The following CAAP1 variants were observed in gnomAD, a reference collection of about 807,000 sequenced individuals.
CAAP1 encodes the protein caspase activity and apoptosis inhibitor 1, also known as conserved anti-apoptotic protein.
CAAP1 carries 20 observed loss-of-function variants against 34.0 expected under a neutral mutation model. The ratio of observed to expected loss-of-function variants is 0.59; its 90% CI spans 0.41 to 0.86. The LOEUF (loss-of-function observed/expected upper bound fraction) is 0.86. Ranked by LOEUF, CAAP1 falls within the 40% of genes least tolerant of loss-of-function variation. The pLI is 0.00. For missense variants in CAAP1, 538 were observed against 450.5 expected, an observed-to-expected ratio of 1.19 and a Z score of -1.76; for synonymous variants, 213 against 166.7, an observed-to-expected ratio of 1.28 and a Z score of -2.14.
chr9:26,842,152 A>C lies in CAAP1; in HGVS notation c.*149T>G. 3.4e-6 allele frequency: 2 copies of C among 591,094 alleles called. No individual in the cohort carries two copies. The highest frequency in any genetic ancestry group is 5.8e-5 in the East Asian group (2 of 34,392). The allele number at this position is 591,094 out of a possible 1,614,324, so 36.6% of individuals were successfully genotyped here. On this transcript the variant is annotated 3_prime_UTR_variant, in exon 6 of 6. Transcript: ENST00000333916. ...TAAAAGTAGTCAAAAAAATAAAAAG[A>C]AACAGCCACAGGTAATTTAGGGCTA...
At chr9:26,845,292 A>G (rs1344737226) in intron 5 of CAAP1, among the ~76,000 whole-genome samples, 1 of 152,204 alleles carries the variant, frequency 6.6e-6, no homozygotes, top group Non-Finnish European at 1.5e-5. Flanking sequence ...GTTGGACTTC[A>G]TGAGTTGTTC....
At chr9:26,862,539 T>C (rs1047963929) in intron 4 of CAAP1, among the ~76,000 whole-genome samples, 4 of 152,106 alleles carry the variant, frequency 2.6e-5, no homozygotes, top group Non-Finnish European at 5.9e-5. Flanking sequence ...ATATAACCTG[T>C]ATTATGAAGA....
At position 26,856,427 on chromosome 9, in the gene CAAP1, GT is replaced by G. The variant is rs545255131; in HGVS notation, c.739+4638del. Among the ~76,000 whole-genome samples the G allele has an allele frequency of 1.8e-4, 27 of 152,294 alleles. No individual in the cohort carries two copies. In the East Asian group the frequency reaches 5.0e-3, roughly 28 times the overall value. On this transcript the variant is annotated intron_variant, in intron 5 of 5. Transcript: ENST00000333916. ...AAATGTAGAGATAGCAAAAAAGAGT[GT>G]ATATTTCACATTGCTTCCATTAAAC... is the stretch of plus-strand genomic sequence containing the variant.
At chr9:26,873,968 G>A (rs1407572969) in intron 4 of CAAP1, among the ~76,000 whole-genome samples, 2 of 151,982 alleles carry the variant, frequency 1.3e-5, no homozygotes, top group Non-Finnish European at 2.9e-5. Context: ...AGAACTTTGG[G>A]AGGCCGAGGC....
chr9:26,870,495 A>G (rs1452730589), intron 4 of CAAP1, among the ~76,000 whole-genome samples: 1 of 150,720 alleles, frequency 6.6e-6, no homozygotes, highest in African/African-American at 2.4e-5. Context: ...TCAATTTCCT[A>G]AGTGGGTAAT....
chr9:26,879,291 C>A (rs1376010216), intron 4 of CAAP1, among the ~76,000 whole-genome samples: 2 of 151,988 alleles, frequency 1.3e-5, no homozygotes, highest in East Asian at 3.8e-4. Context: ...CATTTTTTTC[C>A]AGAACATTTT....
chr9:26,861,039 T>C (rs1320661724), intron 5 of CAAP1, 27 bp downstream of exon 5: 2 of 1,504,440 alleles, frequency 1.3e-6, no homozygotes, highest in African/African-American at 1.4e-5. Flanking sequence ...GTAAATTTTA[T>C]ACAATAATCA....
At chr9:26,854,684 T>C (rs188157331) in intron 5 of CAAP1, among the ~76,000 whole-genome samples, 10 of 152,270 alleles carry the variant, frequency 6.6e-5, no homozygotes, top group Non-Finnish European at 1.3e-4. Context: ...CCAAAATATA[T>C]AGAGACCTCT....
At chr9:26,867,979 G>A (rs1258474410) in intron 4 of CAAP1, among the ~76,000 whole-genome samples, 1 of 152,134 alleles carries the variant, frequency 6.6e-6, no homozygotes, top group African/African-American at 2.4e-5. Flanking sequence ...GGAGGAGGAT[G>A]GGGTGAGATC....
Position 26,871,555 on chromosome 9 carries a change from T to A in CAAP1, c.666-10416A>T, listed in dbSNP as rs1419666373. Among the ~76,000 whole-genome samples the A allele has an allele frequency of 2.7e-4, 34 of 126,336 alleles. No individual in the cohort carries two copies. The Admixed American group carries it at 2.7e-3, about 10-fold the overall frequency. The allele number at this position is 126,336 out of a possible 152,430, so 82.9% of individuals were successfully genotyped here. A position where few individuals can be genotyped will look rare whatever the true frequency, so the allele number is the denominator to read the frequency against. On this transcript the variant is annotated intron_variant, in intron 4 of 5. Coordinates refer to ENST00000333916, the MANE Select transcript of CAAP1 (RefSeq NM_024828.4). ...TCGTGCCACTGCACTCCAGCCTTGG[T>A]GACACGGCAAAACTCTGTCTTTAAA...
chr9:26,858,245 G>C (rs1362850703), intron 5 of CAAP1, among the ~76,000 whole-genome samples: 2 of 152,102 alleles, frequency 1.3e-5, no homozygotes, highest in East Asian at 3.9e-4. Context: ...AGATTTTGCA[G>C]GTTATGCACA....
At chr9:26,857,530 G>A (rs1488479580) in intron 5 of CAAP1, among the ~76,000 whole-genome samples, 1 of 152,176 alleles carries the variant, frequency 6.6e-6, no homozygotes, top group Admixed American at 6.5e-5. Context: ...TACTCGGCAG[G>A]CTGAGGCAGG....
chr9:26,865,239 A>C (rs1823106500), intron 4 of CAAP1, among the ~76,000 whole-genome samples: 1 of 152,164 alleles, frequency 6.6e-6, no homozygotes, highest in Non-Finnish European at 1.5e-5. Flanking sequence ...ATCACAAGAA[A>C]TTTGGCGAGG....
chr9:26,847,446 C>A (rs755881120), intron 5 of CAAP1, among the ~76,000 whole-genome samples: 1 of 151,414 alleles, frequency 6.6e-6, no homozygotes, highest in Non-Finnish European at 1.5e-5. Context: ...GATCTCCTGA[C>A]CTCGTGATCC....
chr9:26,883,492 G>A (rs1212542089), intron 4 of CAAP1, among the ~76,000 whole-genome samples: 4 of 152,044 alleles, frequency 2.6e-5, no homozygotes, highest in Non-Finnish European at 5.9e-5. Context: ...TCAGCAACAT[G>A]AAAACAGACT....
chr9:26,854,162 A>G (rs995392369), intron 5 of CAAP1, among the ~76,000 whole-genome samples: 6 of 152,190 alleles, frequency 3.9e-5, no homozygotes, highest in Admixed American at 3.3e-4. Context: ...AAATAATTAC[A>G]AGGGCTGATA....
intron 1 of CAAP1, among the ~76,000 whole-genome samples, chr9:26,889,545 A>C (rs1432961365): frequency 1.3e-5 from 2 of 151,936 alleles, no homozygotes; most frequent in Non-Finnish European, 2.9e-5. Flanking sequence ...CATTTCAATA[A>C]AGTTCTTCCC....
chr9:26,841,620 T>A lies in CAAP1; in HGVS notation c.*681A>T, dbSNP rs1167231544. On this transcript the variant is annotated 3_prime_UTR_variant, in exon 6 of 6. Coordinates refer to ENST00000333916, the MANE Select transcript of CAAP1 (RefSeq NM_024828.4). ...GGAATGTAAATGAAAACTTGTTCCA[T>A]TTTTATTAAAGAAAAAACCTAGAAT... is the stretch of plus-strand genomic sequence containing the variant. The A allele has an allele frequency of 6.6e-6, 1 of 152,610 alleles. No homozygotes were observed. The allele number at this position is 152,610 out of a possible 1,614,324, so 9.5% of individuals were successfully genotyped here.
intron 5 of CAAP1, among the ~76,000 whole-genome samples, chr9:26,848,492 C>A (rs915434671): frequency 6.6e-6 from 1 of 151,576 alleles, no homozygotes; most frequent in Non-Finnish European, 1.5e-5. Context: ...CTCCAGCCTG[C>A]GCGACAGAGC....
Sources: gnomAD v4.1 joint callset for allele counts (sites outside exome capture counted in the v4.1 genomes callset) on GRCh38, gnomAD v4.1.1 for gene constraint, MANE v1.5 for transcripts, NCBI Gene and HGNC (gene_info 2026-07-23, HGNC 2026-07-21) for gene names.